The following STMN3 variants were observed in gnomAD, a reference collection of about 807,000 sequenced individuals.
The protein encoded by STMN3 is stathmin-3.
In STMN3, 24 loss-of-function variants were observed where a neutral mutation model predicts 23.2. That is an observed-to-expected ratio of 1.03 (90% confidence interval 0.75 to 1.45). STMN3 has a LOEUF of 1.45. Ranked by LOEUF, STMN3 falls within the 40% of genes most tolerant of loss-of-function variation. STMN3 has a pLI of 0.00. For synonymous variants in STMN3, 117 were observed against 103.4 expected (o/e 1.13, Z -0.80); for missense variants, 235 against 237.6 (o/e 0.99, Z 0.07).
At chr20:63,646,651 C>T (rs1163378065) in intron 1 of STMN3, among the ~76,000 whole-genome samples, 1 of 151,872 alleles carries the variant, frequency 6.6e-6, no homozygotes, top group Non-Finnish European at 1.5e-5. Context: ...CTGTGCCTGG[C>T]CTACTTTATT....
chr20:63,643,976 C>A (rs565922389), intron 2 of STMN3, 45 bp from the exon 3 acceptor site: 27 of 1,581,094 alleles, frequency 1.7e-5, no homozygotes, highest in Non-Finnish European at 2.2e-5. Flanking sequence ...CCGGCCAGGG[C>A]ATGGCGTGGG....
chr20:63,645,515 C>T (rs1181082178), intron 1 of STMN3, among the ~76,000 whole-genome samples: 1 of 152,214 alleles, frequency 6.6e-6, no homozygotes, highest in Non-Finnish European at 1.5e-5. Context: ...CAGAAGCAAG[C>T]CGGGCTCCTG....
intron 1 of STMN3, among the ~76,000 whole-genome samples, chr20:63,650,826 C>T (rs1180070653): frequency 1.8e-5 from 2 of 112,138 alleles, no homozygotes; most frequent in African/African-American, 3.5e-5. Context: ...CCACCCCTCC[C>T]GCCGCCCAGG....
chr20:63,649,610 A>G (rs1252502130), intron 1 of STMN3, among the ~76,000 whole-genome samples: 2 of 151,986 alleles, frequency 1.3e-5, no homozygotes. Context: ...GGCTCACGGC[A>G]AGCTCCGCCT....
chr20:63,642,441 C>T lies in STMN3; in HGVS notation c.292-142G>A, dbSNP rs1268996202. Reference sequence around the variant, plus strand: ...GCCCAGGCCTCGGTGGGCGCCGGGACCCCCGGGCGCTGCCCTGGGAACCCT... The same window carrying T: ...GCCCAGGCCTCGGTGGGCGCCGGGATCCCCGGGCGCTGCCCTGGGAACCCT... On this transcript the variant is annotated intron_variant, in intron 3 of 4. Coordinates refer to ENST00000370053, the MANE Select transcript of STMN3 (RefSeq NM_015894.4). 38 of 355,014 alleles carry T rather than the reference C, an allele frequency of 1.1e-4. 1 individual carries two copies. The Admixed American group carries it at 1.5e-3, about 14-fold the overall frequency. 22.0% of individuals were successfully genotyped at this position (355,014 alleles called of 1,614,324 possible). A position where few individuals can be genotyped will look rare whatever the true frequency, so the allele number is the denominator to read the frequency against.
Position 63,641,096 on chromosome 20 carries a change from G to T in STMN3, c.*242C>A, listed in dbSNP as rs2089757373. 1.7e-6 allele frequency: 1 copy of T among 580,560 alleles called. No homozygotes were observed. 36.0% of individuals were successfully genotyped at this position (580,560 alleles called of 1,614,324 possible). A position where few individuals can be genotyped will look rare whatever the true frequency, so the allele number is the denominator to read the frequency against. The stretch of plus-strand genomic sequence containing the variant: ...CAGGGCCCCCGGGGGACCCAGCCGC[G>T]CCCGGCCTGGTGTCTGCACCGAGGG... On this transcript the variant is annotated 3_prime_UTR_variant, in exon 5 of 5. Transcript: ENST00000370053.
chr20:63,649,617 G>A (rs914844945), intron 1 of STMN3, among the ~76,000 whole-genome samples: 3 of 151,968 alleles, frequency 2.0e-5, no homozygotes, highest in Non-Finnish European at 2.9e-5. Context: ...GGCAAGCTCC[G>A]CCTCCCGGAT....
intron 1 of STMN3, among the ~76,000 whole-genome samples, chr20:63,647,966 A>G (rs1281272391): frequency 1.6e-4 from 13 of 82,622 alleles, no homozygotes; most frequent in Middle Eastern, 6.9e-3. Flanking sequence ...ATATGTATAT[A>G]TATATATATA....
intron 1 of STMN3, among the ~76,000 whole-genome samples, chr20:63,645,880 G>A (rs1218436419): frequency 1.3e-5 from 2 of 152,156 alleles, no homozygotes; most frequent in African/African-American, 2.4e-5. Context: ...TTGAACCTGG[G>A]AGGCGGAGGT....
At chr20:63,649,611 AG>A (rs1470779360) in intron 1 of STMN3, among the ~76,000 whole-genome samples, 6 of 151,928 alleles carry the variant, frequency 3.9e-5, no homozygotes, top group Non-Finnish European at 8.8e-5. Flanking sequence ...GCTCACGGCA[AG>A]CTCCGCCTCC....
intron 1 of STMN3, among the ~76,000 whole-genome samples, chr20:63,645,816 G>A (rs2089804668): frequency 1.3e-5 from 2 of 152,134 alleles, no homozygotes; most frequent in African/African-American, 2.4e-5. Flanking sequence ...AGCCAGGCGT[G>A]GTGGCAGGCA....
At chr20:63,650,286 C>A (rs1042568638) in intron 1 of STMN3, among the ~76,000 whole-genome samples, 1 of 152,118 alleles carries the variant, frequency 6.6e-6, no homozygotes, top group African/African-American at 2.4e-5. Context: ...TGTTTTGTCT[C>A]CCTGCTTCTC....
chr20:63,647,787 TAA>T (rs1311282911), intron 1 of STMN3, among the ~76,000 whole-genome samples: 2 of 126,000 alleles, frequency 1.6e-5, no homozygotes, highest in South Asian at 2.2e-4. Context: ...TGTATATATA[TAA>T]TATATATACG....
Position 63,642,246 on chromosome 20 carries a change from G to C in STMN3, c.345C>G (p.Arg115=). 6.5e-7 allele frequency: 1 copy of C among 1,550,296 alleles called. No homozygotes were observed. The highest frequency in any genetic ancestry group is 8.7e-7 in the Non-Finnish European group (1 of 1,150,118). Residue 115 remains arginine, a synonymous_variant, in exon 4 of 5, where the codon CGC becomes CGG. Transcript: ENST00000370053. ...CCTCCAGCGCCTTGTGCAGCACCTC[G>C]CGCTCGTGCTCGCGCCGCTCCGCCA... is the stretch of plus-strand genomic sequence containing the variant. ...KQLAERREHE[R]EVLHKALEEN...
chr20:63,647,757 T>C (rs1412156639), intron 1 of STMN3, among the ~76,000 whole-genome samples: 5 of 126,140 alleles, frequency 4.0e-5, no homozygotes, highest in Admixed American at 2.6e-4. Context: ...ATATATATAA[T>C]ATATATACAT....
chr20:63,641,368 G>C lies in STMN3; in HGVS notation c.513C>G (p.Asn171Lys). ...KELHAAEVRRNKEQREEMSG is the reference protein window; with the variant it reads ...KELHAAEVRRKKEQREEMSG ...CCGACATCTCTTCTCGCTGCTCCTT[G>C]TTCCTGCGCACCTCGGCCGCGTGCA... The change falls in exon 5 of 5, where the codon AAC becomes AAG. Residue 171 changes from asparagine to lysine, a missense_variant. Asn to Lys is a moderately conservative substitution (Grantham distance 94). Coordinates refer to ENST00000370053, the MANE Select transcript of STMN3 (RefSeq NM_015894.4). 1.3e-6 allele frequency: 2 copies of C among 1,570,852 alleles called. No individual in the cohort carries two copies. The highest frequency in any genetic ancestry group is 2.3e-5 in the East Asian group (1 of 42,646).
chr20:63,647,686 CGT>C (rs200554474), intron 1 of STMN3, among the ~76,000 whole-genome samples: 50,576 of 121,350 alleles, frequency 0.42, 12,495 homozygotes, highest in Non-Finnish European at 0.52. Context: ...TATATATACA[CGT>C]GTATATATAT....
intron 1 of STMN3, among the ~76,000 whole-genome samples, chr20:63,651,476 C>T (rs569595769): frequency 6.6e-6 from 1 of 152,098 alleles, no homozygotes; most frequent in East Asian, 1.9e-4. Flanking sequence ...GCCGGCTCCC[C>T]CCGGGGGCAG....
intron 2 of STMN3, 81 bp downstream of exon 2, chr20:63,644,133 C>G: frequency 2.8e-6 from 4 of 1,434,930 alleles, no homozygotes; most frequent in Non-Finnish European, 3.9e-6. Flanking sequence ...GACGGGAGTT[C>G]AGAGAGACTG....
Sources: allele counts gnomAD v4.1 joint callset (sites outside exome capture counted in the v4.1 genomes callset), GRCh38; gene constraint gnomAD v4.1.1; transcripts MANE v1.5; gene names NCBI Gene and HGNC (gene_info 2026-07-23, HGNC 2026-07-21).